PCDHA13: variants seen among roughly 807,000 people sequenced by gnomAD.
PCDHA13 encodes protocadherin alpha 13.
A neutral mutation model predicts 64.8 loss-of-function variants in PCDHA13; 54 were observed. That is an observed-to-expected ratio of 0.83 (90% CI 0.67 to 1.04). PCDHA13 has a LOEUF of 1.04. PCDHA13 is among the 50% of genes least tolerant of loss of function. PCDHA13 has a pLI of 0.00. For missense variants in PCDHA13, 1,248 were observed against 1,254.3 expected (o/e 0.99, Z 0.08); for synonymous variants, 587 against 564.4 (o/e 1.04, Z -0.57).
At chr5:140,963,397 G>A (rs1190925238) in intron 1 of PCDHA13, among the ~76,000 whole-genome samples, 1 of 152,160 alleles carries the variant, frequency 6.6e-6, no homozygotes, top group Admixed American at 6.5e-5. Context: ...GCTCCCTACT[G>A]GATGCTGTAG....
chr5:140,941,251 CTT>C (rs1177440606), intron 1 of PCDHA13, among the ~76,000 whole-genome samples: 1 of 121,786 alleles, frequency 8.2e-6, no homozygotes, highest in African/African-American at 3.1e-5. Flanking sequence ...TTCTTTCTTT[CTT>C]TCTCTTTCTT....
chr5:140,950,473 G>T (rs2094486830), intron 1 of PCDHA13, among the ~76,000 whole-genome samples: 1 of 152,010 alleles, frequency 6.6e-6, no homozygotes, highest in African/African-American at 2.4e-5. Context: ...CATAGTTTCT[G>T]ATGAGAAGTG....
Position 140,979,023 on chromosome 5 carries a change from C to G in PCDHA13, c.2453+16C>G, listed in dbSNP as rs2096831948. On this transcript the variant is annotated intron_variant, in intron 2 of 3. Transcript: ENST00000289272. ...GCATGCACAGGTATGTATTTCCCTC[C>G]TCATTCACTCAGAAGTAACCTTAAC... The G allele has an allele frequency of 6.2e-7, 1 of 1,613,422 alleles. No homozygotes were observed.
chr5:140,929,717 A>G (rs1408315390), intron 1 of PCDHA13: 1 of 229,936 alleles, frequency 4.3e-6, no homozygotes, highest in Non-Finnish European at 9.0e-6. Flanking sequence ...ATGGAAGGTG[A>G]AACATTTACT....
intron 1 of PCDHA13, among the ~76,000 whole-genome samples, chr5:140,970,591 T>G (rs1159349152): frequency 2.6e-5 from 4 of 152,150 alleles, no homozygotes; most frequent in African/African-American, 9.7e-5. Flanking sequence ...GAGATATGCT[T>G]TGTGATACTT....
chr5:140,942,796 G>C (rs2093370095), intron 1 of PCDHA13, among the ~76,000 whole-genome samples: 1 of 152,002 alleles, frequency 6.6e-6, no homozygotes, highest in Non-Finnish European at 1.5e-5. Flanking sequence ...ACAAAGGCAT[G>C]TTTTCCACAA....
chr5:140,943,998 G>C (rs2093593066), intron 1 of PCDHA13, among the ~76,000 whole-genome samples: 1 of 152,178 alleles, frequency 6.6e-6, no homozygotes, highest in Non-Finnish European at 1.5e-5. Context: ...CAGAACTACT[G>C]AGTACCCCCC....
intron 3 of PCDHA13, among the ~76,000 whole-genome samples, chr5:140,990,438 T>C (rs2097393735): frequency 2.0e-5 from 3 of 152,222 alleles, no homozygotes; most frequent in Admixed American, 2.0e-4. Context: ...CCCAATCTTG[T>C]GTCCAGAGCT....
intron 1 of PCDHA13, among the ~76,000 whole-genome samples, chr5:140,926,207 C>A (rs1259453811): frequency 6.6e-6 from 1 of 152,074 alleles, no homozygotes; most frequent in Non-Finnish European, 1.5e-5. Flanking sequence ...TCGGGGGGCT[C>A]CTGTTTCCTT....
At chr5:140,993,509 CGGGGAGAGAGAG>C (rs1563592888) in intron 3 of PCDHA13, among the ~76,000 whole-genome samples, 1 of 143,490 alleles carries the variant, frequency 7.0e-6, no homozygotes, top group Admixed American at 7.0e-5. Context: ...CACACACACA[CGGGGAGAGAGAG>C]ACAGAGAGAG....
chr5:140,922,074 CA>C (rs1554200639), intron 1 of PCDHA13, among the ~76,000 whole-genome samples: 1 of 151,892 alleles, frequency 6.6e-6, no homozygotes, highest in Non-Finnish European at 1.5e-5. Flanking sequence ...TCCCACTAAG[CA>C]AAAAGTGGTA....
At chr5:140,891,698 T>C (rs2063212804) in intron 1 of PCDHA13, among the ~76,000 whole-genome samples, 1 of 152,258 alleles carries the variant, frequency 6.6e-6, no homozygotes, top group Non-Finnish European at 1.5e-5. Context: ...TGCTGTTGTC[T>C]GAATTTGTAC....
At chr5:140,967,481 G>C (rs1554229603) in intron 1 of PCDHA13, 2 of 1,613,426 alleles carry the variant, frequency 1.2e-6, no homozygotes, top group Admixed American at 1.7e-5. Flanking sequence ...AGCCCGCTCG[G>C]GTACGGCACA....
chr5:140,886,097 A>G (rs1341108712), intron 1 of PCDHA13, among the ~76,000 whole-genome samples: 1 of 152,214 alleles, frequency 6.6e-6, no homozygotes, highest in Non-Finnish European at 1.5e-5. Context: ...ATTGACATTG[A>G]TACAGTAAAG....
At chr5:140,929,362 G>A (rs781830495) in intron 1 of PCDHA13, 13 of 1,520,234 alleles carry the variant, frequency 8.6e-6, no homozygotes, top group Middle Eastern at 1.8e-4. Flanking sequence ...CCTTTGGCCC[G>A]GAGATGGCTG....
intron 1 of PCDHA13, chr5:140,930,393 CTT>C (rs879960332): frequency 4.1e-5 from 6 of 145,282 alleles, no homozygotes; most frequent in Admixed American, 6.9e-5. Flanking sequence ...TTCAAAACTT[CTT>C]TTTTTTTTTT....
chr5:140,982,789 G>A (rs894929116), intron 3 of PCDHA13, among the ~76,000 whole-genome samples: 3 of 151,400 alleles, frequency 2.0e-5, no homozygotes, highest in Admixed American at 6.5e-5. Context: ...GTGCACGCAT[G>A]TGTGCATGTG....
chr5:140,962,920 T>C (rs2095718930), intron 1 of PCDHA13, among the ~76,000 whole-genome samples: 1 of 152,186 alleles, frequency 6.6e-6, no homozygotes, highest in South Asian at 2.1e-4. Context: ...ATTTGACAGA[T>C]ACTTCTCAAC....
At chr5:140,918,970 T>C (rs1217884686) in intron 1 of PCDHA13, among the ~76,000 whole-genome samples, 1 of 152,220 alleles carries the variant, frequency 6.6e-6, no homozygotes, top group Non-Finnish European at 1.5e-5. Flanking sequence ...CAGATATCGT[T>C]TAGGTTAGTT....
Sources: gnomAD v4.1 joint callset for allele counts (sites outside exome capture counted in the v4.1 genomes callset) on GRCh38, gnomAD v4.1.1 for gene constraint, MANE v1.5 for transcripts, NCBI Gene and HGNC (gene_info 2026-07-23, HGNC 2026-07-21) for gene names.